AFF2: variants seen among roughly 807,000 people sequenced by gnomAD.
AFF2 encodes AF4/FMR2 family member 2.
A neutral mutation model predicts 76.9 loss-of-function variants in AFF2; 14 were observed. The observed-to-expected ratio is 0.18, with a 90% CI of 0.12 to 0.28. The LOEUF is 0.28. Ranked by LOEUF, AFF2 falls within the 10% of genes least tolerant of loss-of-function variation. The probability of loss-of-function intolerance (pLI) is 1.00; values close to 1 mark genes in which losing one functional copy is unlikely to be tolerated. For missense variants in AFF2, 868 were observed against 1,001.1 expected (o/e 0.87, Z 1.79); for synonymous variants, 398 against 366.7 (o/e 1.09, Z -0.98).
At chrX:148,781,911 C>G (rs1357803473) in intron 3 of AFF2, among the ~76,000 whole-genome samples, 3 of 111,489 alleles carry the variant, frequency 2.7e-5, no homozygotes, top group Non-Finnish European at 3.8e-5. Context: ...TAGCACCGCC[C>G]CTCACAGCTT....
Position 149,000,243 on chromosome X carries a change from C to A in AFF2, c.*8911C>A, listed in dbSNP as rs1347512434. 1 of 112,582 alleles carries A rather than the reference C, an allele frequency of 8.9e-6. No homozygotes were observed. Among genetic ancestry groups the A allele is most frequent in the East Asian group, 2.8e-4 (1 of 3,587 alleles). 9.3% of individuals were successfully genotyped at this position (112,582 alleles called of 1,213,427 possible). A position where few individuals can be genotyped will look rare whatever the true frequency, so the allele number is the denominator to read the frequency against. On this transcript the variant is annotated 3_prime_UTR_variant, in exon 21 of 21. Transcript: ENST00000370460. ...GGTGCAGATTTCCAACATTCATGCT[C>A]ATTGCAGATCCACCAACTGTCACTG...
chrX:148,830,537 GAGA>G (rs1557273230), intron 4 of AFF2, among the ~76,000 whole-genome samples: 1 of 112,002 alleles, frequency 8.9e-6, no homozygotes, highest in Non-Finnish European at 1.9e-5. Context: ...AGTACAAAGA[GAGA>G]AGTTTTTAAA....
chrX:148,752,587 C>T (rs1054181537), intron 3 of AFF2, among the ~76,000 whole-genome samples: 5 of 111,591 alleles, frequency 4.5e-5, no homozygotes, highest in African/African-American at 1.6e-4. Context: ...ACAGCACGTC[C>T]CTGATTTATT....
intron 1 of AFF2, among the ~76,000 whole-genome samples, chrX:148,542,538 T>C (rs1261906622): frequency 1.8e-5 from 2 of 111,631 alleles, no homozygotes; most frequent in Admixed American, 1.9e-4. Flanking sequence ...CACATTTTGA[T>C]CTTCTATACT....
chrX:148,724,104 A>T (rs2124544842), intron 3 of AFF2, among the ~76,000 whole-genome samples: 1 of 109,740 alleles, frequency 9.1e-6, no homozygotes, highest in East Asian at 2.9e-4. Flanking sequence ...AAGACTGTCA[A>T]TTAACCTGAA....
chrX:148,501,439 C>G (rs1051947504), intron 1 of AFF2, among the ~76,000 whole-genome samples: 10 of 112,867 alleles, frequency 8.9e-5, no homozygotes, highest in Non-Finnish European at 1.3e-4. Context: ...CTGAACCGCA[C>G]GACCTCCCAG....
intron 3 of AFF2, among the ~76,000 whole-genome samples, chrX:148,807,374 C>T (rs2070149641): frequency 8.9e-6 from 1 of 111,913 alleles, no homozygotes; most frequent in African/African-American, 3.2e-5. Context: ...AGCACATTCA[C>T]ATCACTTATT....
chrX:148,847,210 T>G (rs1378708275), intron 7 of AFF2, among the ~76,000 whole-genome samples: 1 of 112,504 alleles, frequency 8.9e-6, no homozygotes, highest in African/African-American at 3.2e-5. Context: ...CCCAAATGCA[T>G]GACCTTGTTG....
intron 3 of AFF2, among the ~76,000 whole-genome samples, chrX:148,666,437 T>C (rs782330749): frequency 1.7e-4 from 19 of 109,680 alleles, no homozygotes; most frequent in Non-Finnish European, 2.8e-4. Flanking sequence ...ATACAAAAAA[T>C]AGCTGGCCAT....
At chrX:148,934,760 G>A (rs2071752895) in intron 9 of AFF2, among the ~76,000 whole-genome samples, 1 of 111,482 alleles carries the variant, frequency 9.0e-6, no homozygotes, top group Non-Finnish European at 1.9e-5. Context: ...AAAGTAGTTA[G>A]CATATTACCT....
At chrX:148,978,031 AT>A in intron 17 of AFF2, 27 bp downstream of exon 17, 2 of 1,081,765 alleles carry the variant, frequency 1.8e-6, no homozygotes, top group Non-Finnish European at 2.6e-6. Flanking sequence ...CCACAAGGAA[AT>A]TGCTGAAATG....
At chrX:148,934,993 G>T (rs1051592676) in intron 9 of AFF2, among the ~76,000 whole-genome samples, 1 of 111,094 alleles carries the variant, frequency 9.0e-6, no homozygotes. Flanking sequence ...ATGGGTGATT[G>T]GTTGAAATAG....
intron 3 of AFF2, among the ~76,000 whole-genome samples, chrX:148,731,160 C>T (rs1462474125): frequency 6.3e-5 from 7 of 111,888 alleles, no homozygotes; most frequent in African/African-American, 9.7e-5. Context: ...TTTATAGAGA[C>T]GAGTTCTGCT....
intron 1 of AFF2, among the ~76,000 whole-genome samples, chrX:148,642,799 T>C (rs1383085387): frequency 8.9e-6 from 1 of 112,195 alleles, no homozygotes; most frequent in Non-Finnish European, 1.9e-5. Context: ...GAAGACCTCA[T>C]CGATGACATC....
At chrX:148,904,983 T>C (rs1022950776) in intron 9 of AFF2, among the ~76,000 whole-genome samples, 5 of 111,996 alleles carry the variant, frequency 4.5e-5, no homozygotes, top group African/African-American at 1.3e-4. Context: ...GAGGGAGGAC[T>C]TTCTCTATTT....
intron 3 of AFF2, among the ~76,000 whole-genome samples, chrX:148,787,937 C>G (rs1257983551): frequency 2.7e-5 from 3 of 112,380 alleles, no homozygotes; most frequent in Non-Finnish European, 5.6e-5. Context: ...TTTGCAAACT[C>G]TCTTTCTCAG....
chrX:148,818,234 G>A lies in AFF2; in HGVS notation c.1086+8314G>A, dbSNP rs188634818. Among the ~76,000 whole-genome samples the A allele has an allele frequency of 2.6e-4, 29 of 111,900 alleles. 1 individual carries two copies. The East Asian group carries it at 8.1e-3, about 31-fold the overall frequency. On this transcript the variant is annotated intron_variant, in intron 4 of 20. Transcript: ENST00000370460. ...ACAAATTAACTGAAAACACTATTAT[G>A]AATAATACACAAATTCAGCCAAGTT...
intron 3 of AFF2, among the ~76,000 whole-genome samples, chrX:148,762,504 GTGTGTA>G (rs1476665587): frequency 4.7e-5 from 5 of 106,611 alleles, no homozygotes. Context: ...GTGTGTGTGT[GTGTGTA>G]TATAACATTT....
chrX:148,530,491 C>T (rs947209559), intron 1 of AFF2, among the ~76,000 whole-genome samples: 20 of 111,759 alleles, frequency 1.8e-4, no homozygotes, highest in Admixed American at 3.8e-4. Flanking sequence ...CTGTTCATAA[C>T]TCCAGTCTTT....
Sources: allele counts gnomAD v4.1 joint callset (sites outside exome capture counted in the v4.1 genomes callset), GRCh38; gene constraint gnomAD v4.1.1; transcripts MANE v1.5; gene names NCBI Gene and HGNC (gene_info 2026-07-23, HGNC 2026-07-21).